The following KCNQ5 variants were observed in gnomAD, a reference collection of about 807,000 sequenced individuals.
KCNQ5 encodes the protein potassium voltage-gated channel subfamily KQT member 5.
In KCNQ5, 30 loss-of-function variants were observed where a neutral mutation model predicts 98.2. The ratio of observed to expected loss-of-function variants is 0.31; its 90% confidence interval spans 0.23 to 0.41. KCNQ5 has a LOEUF of 0.41. KCNQ5 is among the 10% of genes least tolerant of loss of function. The pLI is 1.00. For missense variants in KCNQ5, 835 were observed against 1,182.5 expected, an observed-to-expected ratio of 0.71 and a Z score of 4.31; for synonymous variants, 458 against 449.4, an observed-to-expected ratio of 1.02 and a Z score of -0.24.
intron 11 of KCNQ5, among the ~76,000 whole-genome samples, chr6:73,182,540 G>A (rs796101576): frequency 9.2e-5 from 14 of 152,190 alleles, no homozygotes; most frequent in African/African-American, 3.1e-4. Context: ...CCCTCATCCT[G>A]TAGTTAAAGC....
At chr6:72,741,751 A>G (rs1380954755) in intron 1 of KCNQ5, among the ~76,000 whole-genome samples, 1 of 152,204 alleles carries the variant, frequency 6.6e-6, no homozygotes, top group Non-Finnish European at 1.5e-5. Context: ...GAAAAGAACG[A>G]TTCAGGATCA....
At chr6:72,683,361 T>C (rs1767798470) in intron 1 of KCNQ5, among the ~76,000 whole-genome samples, 1 of 133,538 alleles carries the variant, frequency 7.5e-6, no homozygotes, top group African/African-American at 3.1e-5. Flanking sequence ...TAGCCACATA[T>C]ACTTTTTTTT....
intron 1 of KCNQ5, among the ~76,000 whole-genome samples, chr6:72,793,953 A>G (rs1012660220): frequency 1.3e-5 from 2 of 152,246 alleles, no homozygotes; most frequent in African/African-American, 4.8e-5. Flanking sequence ...GAATGAGAGG[A>G]AATGAGTATA....
At chr6:72,768,214 A>G (rs1410545441) in intron 1 of KCNQ5, among the ~76,000 whole-genome samples, 1 of 151,962 alleles carries the variant, frequency 6.6e-6, no homozygotes, top group Non-Finnish European at 1.5e-5. Context: ...TTTAGAGGGA[A>G]CCGTCAGCTG....
At chr6:72,661,927 C>T (rs1766548050) in intron 1 of KCNQ5, among the ~76,000 whole-genome samples, 1 of 152,064 alleles carries the variant, frequency 6.6e-6, no homozygotes, top group Admixed American at 6.6e-5. Flanking sequence ...GTTTAGCCAT[C>T]ACAGCACCCA....
intron 3 of KCNQ5, among the ~76,000 whole-genome samples, chr6:73,069,961 G>A (rs1487729825): frequency 2.0e-5 from 3 of 152,114 alleles, no homozygotes; most frequent in Admixed American, 6.5e-5. Context: ...GAGAAGTAGC[G>A]TAGCCTGAAC....
intron 1 of KCNQ5, among the ~76,000 whole-genome samples, chr6:72,943,847 C>G (rs554801964): frequency 4.6e-5 from 7 of 152,186 alleles, no homozygotes; most frequent in Non-Finnish European, 4.4e-5. Flanking sequence ...TGTGCATGAG[C>G]AAGAGAGAGA....
chr6:72,839,968 C>A (rs1776715117), intron 1 of KCNQ5, among the ~76,000 whole-genome samples: 1 of 152,212 alleles, frequency 6.6e-6, no homozygotes, highest in African/African-American at 2.4e-5. Context: ...TCCTGTCTAA[C>A]TGAAACTTTG....
intron 1 of KCNQ5, among the ~76,000 whole-genome samples, chr6:72,959,340 T>C (rs549217588): frequency 6.6e-6 from 1 of 152,298 alleles, no homozygotes; most frequent in South Asian, 2.1e-4. Context: ...CCAACTTTCA[T>C]ATTTGGGCAA....
chr6:72,826,734 A>G (rs1249121050), intron 1 of KCNQ5, among the ~76,000 whole-genome samples: 1 of 152,152 alleles, frequency 6.6e-6, no homozygotes. Context: ...AACATTCAGT[A>G]TATTTCTTCT....
intron 1 of KCNQ5, among the ~76,000 whole-genome samples, chr6:72,641,906 G>A (rs1356100546): frequency 6.6e-6 from 1 of 151,514 alleles, no homozygotes; most frequent in Non-Finnish European, 1.5e-5. Flanking sequence ...AAAATGAAGG[G>A]TTCTCCTTTA....
At chr6:72,628,338 G>T (rs2098919028) in intron 1 of KCNQ5, among the ~76,000 whole-genome samples, 1 of 152,142 alleles carries the variant, frequency 6.6e-6, no homozygotes, top group South Asian at 2.1e-4. Context: ...AATTAATTCT[G>T]TAAGTCATTT....
intron 1 of KCNQ5, among the ~76,000 whole-genome samples, chr6:72,896,198 TACTTCTATAGTTATTTA>T (rs1779246672): frequency 6.6e-6 from 1 of 152,214 alleles, no homozygotes; most frequent in Non-Finnish European, 1.5e-5. Context: ...TTGAAAATAA[TACTTCTATAGTTATTTA>T]ACAGTATTTA....
At chr6:72,879,113 T>C (rs1778534521) in intron 1 of KCNQ5, among the ~76,000 whole-genome samples, 2 of 152,198 alleles carry the variant, frequency 1.3e-5, no homozygotes, top group Admixed American at 1.3e-4. Flanking sequence ...TATCTGCCAG[T>C]TTCTCTGGGG....
At chr6:73,157,796 T>C in intron 10 of KCNQ5, 1 of 779,238 alleles carries the variant, frequency 1.3e-6, no homozygotes. Context: ...GGAGTTGCCA[T>C]TAGCTTGCTC....
intron 1 of KCNQ5, among the ~76,000 whole-genome samples, chr6:72,651,171 T>A (rs1053088552): frequency 1.3e-5 from 2 of 152,154 alleles, no homozygotes; most frequent in African/African-American, 2.4e-5. Context: ...ATTACCTGAT[T>A]ACCTTTTAAT....
intron 1 of KCNQ5, among the ~76,000 whole-genome samples, chr6:72,878,964 A>G (rs907984696): frequency 6.6e-6 from 1 of 152,188 alleles, no homozygotes; most frequent in South Asian, 2.1e-4. Context: ...TTTTCTTTAT[A>G]TAAATCATAA....
intron 1 of KCNQ5, among the ~76,000 whole-genome samples, chr6:72,850,765 T>A (rs370714230): frequency 1.6e-4 from 24 of 151,848 alleles, no homozygotes; most frequent in South Asian, 2.1e-4. Context: ...ATAGCTGGTG[T>A]GTGCTTTATT....
intron 1 of KCNQ5, among the ~76,000 whole-genome samples, chr6:72,714,058 C>T (rs1393752684): frequency 7.9e-5 from 12 of 152,186 alleles, no homozygotes; most frequent in Admixed American, 7.9e-4. Flanking sequence ...TGTTAGCTCA[C>T]CTATGTGTCC....
Sources: gnomAD v4.1 joint callset for allele counts (sites outside exome capture counted in the v4.1 genomes callset) on GRCh38, gnomAD v4.1.1 for gene constraint, MANE v1.5 for transcripts, NCBI Gene and HGNC (gene_info 2026-07-23, HGNC 2026-07-21) for gene names.